Variants in KIF3C observed in about 807,000 individuals in gnomAD.
The protein encoded by KIF3C is kinesin family member 3C, also known as kinesin-like protein KIF3C.
Under a neutral mutation model 67.7 loss-of-function variants are expected in KIF3C, and 12 were observed. The observed-to-expected ratio is 0.18, with a 90% CI of 0.11 to 0.29. KIF3C has a LOEUF of 0.29. Among genes scored for constraint, KIF3C ranks in the 10% least tolerant of loss-of-function variants. The pLI is 1.00. For synonymous variants in KIF3C, 393 were observed against 426.2 expected (o/e 0.92, Z 0.96); for missense variants, 789 against 1,059.6 (o/e 0.74, Z 3.55).
At chr2:25,937,216 C>G (rs183642220) in intron 5 of KIF3C, among the ~76,000 whole-genome samples, 1 of 152,240 alleles carries the variant, frequency 6.6e-6, no homozygotes, top group Non-Finnish European at 1.5e-5. Flanking sequence ...GGCCGAGTAA[C>G]TCAAAGCTTA....
intron 5 of KIF3C, among the ~76,000 whole-genome samples, chr2:25,947,043 T>C (rs993192166): frequency 6.6e-6 from 1 of 151,740 alleles, no homozygotes; most frequent in Non-Finnish European, 1.5e-5. Context: ...TAATCCCAGC[T>C]ACTGGGGAGG....
chr2:25,947,673 G>C (rs1216061275), intron 5 of KIF3C, among the ~76,000 whole-genome samples: 1 of 151,984 alleles, frequency 6.6e-6, no homozygotes, highest in Non-Finnish European at 1.5e-5. Context: ...TCTGTGAATG[G>C]TTTTTTTCAG....
At chr2:25,960,080 C>T (rs983520899) in intron 1 of KIF3C, among the ~76,000 whole-genome samples, 1 of 152,154 alleles carries the variant, frequency 6.6e-6, no homozygotes, top group Non-Finnish European at 1.5e-5. Flanking sequence ...TCAAATATCA[C>T]TGCATGTTAG....
At chr2:25,932,357 T>A (rs1378434272) in intron 5 of KIF3C, among the ~76,000 whole-genome samples, 2 of 149,162 alleles carry the variant, frequency 1.3e-5, no homozygotes, top group Non-Finnish European at 3.0e-5. Context: ...CAGGCTGGTC[T>A]CAAACTCCTG....
chr2:25,976,152 T>C (rs995030342), intron 1 of KIF3C, among the ~76,000 whole-genome samples: 4 of 152,014 alleles, frequency 2.6e-5, no homozygotes, highest in African/African-American at 9.7e-5. Flanking sequence ...TGCTGAGGGG[T>C]GGGAGAAAGC....
intron 5 of KIF3C, among the ~76,000 whole-genome samples, chr2:25,950,122 C>T (rs1254527342): frequency 3.3e-5 from 5 of 151,640 alleles, no homozygotes; most frequent in East Asian, 3.9e-4. Flanking sequence ...AAACTCCTGA[C>T]GCCAAGTGAT....
At position 25,930,026 on chromosome 2, in the gene KIF3C, C is replaced by A. The variant is rs2090445845; in HGVS notation, c.2044G>T (p.Val682Leu). The A allele has an allele frequency of 6.2e-7, 1 of 1,614,182 alleles. No individual in the cohort carries two copies. The highest frequency in any genetic ancestry group is 2.2e-5 in the East Asian group (1 of 44,890). Residue 682 changes from valine (V) to leucine (L), a missense_variant, in exon 6 of 8, where the codon GTG (valine) becomes TTG (leucine). This residue lies in a region of KIF3C where 648 missense variants were observed against 807.8 expected (regional missense o/e 0.80). Transcript: ENST00000264712. ...SQMKKRPTSAVGYKRPISQYA... is the reference protein window; with the variant it reads ...SQMKKRPTSALGYKRPISQYA... ...TGGCTGATAGGCCTCTTGTAGCCCA[C>A]TGCAGATGTTGGCCGCTTCTTCATC... is the stretch of plus-strand genomic sequence containing the variant.
intron 7 of KIF3C, 63 bp from the exon 8 acceptor site, chr2:25,929,134 G>C: frequency 6.7e-7 from 1 of 1,485,072 alleles, no homozygotes; most frequent in South Asian, 1.2e-5. Flanking sequence ...AGGAAAGTGG[G>C]TCCTCTCCTT....
intron 4 of KIF3C, among the ~76,000 whole-genome samples, chr2:25,953,729 G>C (rs1663717759): frequency 6.8e-6 from 1 of 146,816 alleles, no homozygotes; most frequent in African/African-American, 2.5e-5. Flanking sequence ...GGATTGCAGT[G>C]GCATGATCTC....
chr2:25,962,930 T>C (rs1335696832), intron 1 of KIF3C, among the ~76,000 whole-genome samples: 1 of 41,668 alleles, frequency 2.4e-5, no homozygotes, highest in African/African-American at 1.9e-4. Flanking sequence ...TAATATATAA[T>C]ACATATAATA....
chr2:25,936,018 C>G (rs1002082931), intron 5 of KIF3C, among the ~76,000 whole-genome samples: 1 of 151,320 alleles, frequency 6.6e-6, no homozygotes, highest in Non-Finnish European at 1.5e-5. Context: ...ACCCGGGAGG[C>G]GGAGGTTGTA....
At chr2:25,962,980 TA>T (rs1281622903) in intron 1 of KIF3C, among the ~76,000 whole-genome samples, 34 of 46,712 alleles carry the variant, frequency 7.3e-4, no homozygotes, top group South Asian at 5.6e-3. Context: ...ATATAATATA[TA>T]ATATATAATA....
intron 1 of KIF3C, among the ~76,000 whole-genome samples, chr2:25,973,641 C>T (rs62129488): frequency 0.1 from 15,248 of 151,808 alleles, 1,018 homozygotes; most frequent in Non-Finnish European, 0.16. Flanking sequence ...ATCATCACCA[C>T]CATCAAGGCC....
In KIF3C at chr2:25,981,226, G is replaced by A. The variant is rs759541451; in HGVS notation, c.692C>T (p.Ser231Phe). ...IITVECSERG[S>F]DGQDHIRVGK... ...CACTCGGATGTGGTCCTGGCCATCA[G>A]AGCCACGTTCGCTGCACTCCACAGT... Residue 231 changes from serine to phenylalanine, a missense_variant, in exon 1 of 8, where the codon TCT (serine) becomes TTT (phenylalanine). By Grantham distance (155) the Ser-to-Phe change is radical. Around this residue, in one of 2 missense-constraint regions of KIF3C, gnomAD observed 648 missense variants for 807.8 expected, o/e 0.80. Transcript: ENST00000264712. This position sits in a 1 kb window ranked among gnomAD's most constrained non-coding sequence, Gnocchi z 8.2. 6.2e-7 allele frequency: 1 copy of A among 1,614,148 alleles called. No individual in the cohort carries two copies. The highest frequency in any genetic ancestry group is 2.2e-5 in the East Asian group (1 of 44,888).
chr2:25,955,722 A>G lies in KIF3C; in HGVS notation c.1648-59T>C. The G allele has an allele frequency of 6.3e-7, 1 of 1,598,074 alleles. No homozygotes were observed. Among genetic ancestry groups the G allele is most frequent in the Non-Finnish European group, 8.6e-7 (1 of 1,169,160 alleles). On this transcript the variant is annotated intron_variant, in intron 2 of 7. Transcript: ENST00000264712. The surrounding 1 kb of genome is among the most constrained non-coding windows in gnomAD (Gnocchi z 5.0). ...GCAGTGCATACTCGGGAGGGCCAGGAAAGCTCAGGGGACTGGCTCACTCTG... is the reference window on the plus strand; with the variant it reads ...GCAGTGCATACTCGGGAGGGCCAGGGAAGCTCAGGGGACTGGCTCACTCTG...
At chr2:25,941,543 C>T (rs968595463) in intron 5 of KIF3C, among the ~76,000 whole-genome samples, 1 of 151,048 alleles carries the variant, frequency 6.6e-6, no homozygotes, top group African/African-American at 2.4e-5. Context: ...CATAGTGAAA[C>T]CCTGTCTCTA....
chr2:25,937,473 C>T (rs914989232), intron 5 of KIF3C, among the ~76,000 whole-genome samples: 1 of 152,198 alleles, frequency 6.6e-6, no homozygotes, highest in Non-Finnish European at 1.5e-5. Flanking sequence ...GAGGCGTGCC[C>T]GTGAGGAGAG....
At chr2:25,948,091 G>C (rs192251939) in intron 5 of KIF3C, among the ~76,000 whole-genome samples, 2 of 152,222 alleles carry the variant, frequency 1.3e-5, no homozygotes, top group South Asian at 2.1e-4. Context: ...CCATGGTGGC[G>C]ACTGCCTGCT....
At chr2:25,959,676 G>A (rs184049704) in intron 1 of KIF3C, among the ~76,000 whole-genome samples, 1,527 of 152,246 alleles carry the variant, frequency 0.01, 31 homozygotes, top group African/African-American at 0.035. Flanking sequence ...CTGACCTCAA[G>A]TGATCCGCCT....
Sources: allele counts gnomAD v4.1 joint callset (sites outside exome capture counted in the v4.1 genomes callset), GRCh38; gene constraint gnomAD v4.1.1; regional missense constraint gnomAD v4.1.1; non-coding constraint Gnocchi (gnomAD v3.1); transcripts MANE v1.5; gene names NCBI Gene and HGNC (gene_info 2026-07-23, HGNC 2026-07-21).